Variants in SLC2A13 observed in about 807,000 individuals in gnomAD.
SLC2A13 encodes solute carrier family 2 member 13.
In SLC2A13, 32 loss-of-function variants were observed where a neutral mutation model predicts 64.4. The observed-to-expected ratio is 0.50, with a 90% confidence interval of 0.37 to 0.67. The LOEUF is 0.67. Among genes scored for constraint, SLC2A13 ranks in the 30% least tolerant of loss-of-function variants. The pLI is 0.00. For missense variants in SLC2A13, 743 were observed against 829.2 expected (o/e 0.90, Z 1.28); for synonymous variants, 338 against 327.1 (o/e 1.03, Z -0.36).
intron 2 of SLC2A13, among the ~76,000 whole-genome samples, chr12:40,039,473 T>C (rs2404347): frequency 0.14 from 21,124 of 152,226 alleles, 1,708 homozygotes; most frequent in African/African-American, 0.2. Flanking sequence ...ATTCCTGTGT[T>C]CTTAATTTAT....
At chr12:40,014,463 G>A (rs551928039) in intron 3 of SLC2A13, among the ~76,000 whole-genome samples, 1 of 151,988 alleles carries the variant, frequency 6.6e-6, no homozygotes, top group Non-Finnish European at 1.5e-5. Flanking sequence ...TTAAGTGTTG[G>A]ACTAGTCCAG....
chr12:40,008,789 A>G (rs1292212950), intron 3 of SLC2A13, among the ~76,000 whole-genome samples: 1 of 152,186 alleles, frequency 6.6e-6, no homozygotes, highest in Non-Finnish European at 1.5e-5. Context: ...CTATAACACC[A>G]TGAGATAAAT....
At chr12:40,062,821 A>G (rs868536731) in intron 1 of SLC2A13, among the ~76,000 whole-genome samples, 1 of 152,128 alleles carries the variant, frequency 6.6e-6, no homozygotes, top group South Asian at 2.1e-4. Context: ...CTTTTGAAAG[A>G]CTGATTTACT....
At chr12:39,973,045 C>T (rs769798113) in intron 3 of SLC2A13, among the ~76,000 whole-genome samples, 4 of 152,172 alleles carry the variant, frequency 2.6e-5, no homozygotes, top group African/African-American at 4.8e-5. Flanking sequence ...CCAGCCCGGG[C>T]AACAAGAGCA....
chr12:39,898,326 A>G (rs1944982822), intron 4 of SLC2A13, among the ~76,000 whole-genome samples: 1 of 152,152 alleles, frequency 6.6e-6, no homozygotes, highest in South Asian at 2.1e-4. Flanking sequence ...CCAAAACATT[A>G]GGGTGAAGCA....
intron 4 of SLC2A13, among the ~76,000 whole-genome samples, chr12:39,896,255 T>TATAC (rs1944850034): frequency 1.0e-5 from 1 of 99,052 alleles, no homozygotes; most frequent in Non-Finnish European, 2.3e-5. Flanking sequence ...TATACATGTA[T>TATAC]GTATATGTGT....
intron 1 of SLC2A13, among the ~76,000 whole-genome samples, chr12:40,091,086 TTA>T (rs1330651645): frequency 1.3e-5 from 2 of 152,196 alleles, no homozygotes; most frequent in Admixed American, 1.3e-4. Flanking sequence ...GTACAGCATG[TTA>T]TTGTACTAAA....
intron 3 of SLC2A13, among the ~76,000 whole-genome samples, chr12:40,005,909 A>G (rs759422883): frequency 3.9e-5 from 6 of 152,208 alleles, no homozygotes; most frequent in Non-Finnish European, 5.9e-5. Flanking sequence ...AGAAGCTTCC[A>G]ACGTAAGGCC....
At chr12:39,768,293 C>T (rs1940434696) in intron 7 of SLC2A13, among the ~76,000 whole-genome samples, 2 of 152,048 alleles carry the variant, frequency 1.3e-5, no homozygotes, top group Admixed American at 6.6e-5. Context: ...CTATCCAGAC[C>T]ACTCAAACTT....
chr12:39,828,504 A>C (rs1233423741), intron 7 of SLC2A13, among the ~76,000 whole-genome samples: 1 of 152,134 alleles, frequency 6.6e-6, no homozygotes, highest in African/African-American at 2.4e-5. Flanking sequence ...TGTTATTTGC[A>C]AAAAAGCCAA....
chr12:39,875,892 C>T (rs1221866696), intron 4 of SLC2A13, among the ~76,000 whole-genome samples: 1 of 152,128 alleles, frequency 6.6e-6, no homozygotes, highest in Non-Finnish European at 1.5e-5. Context: ...AACCTTTATG[C>T]AGTAGTTTGC....
In SLC2A13 at chr12:39,814,520, A is replaced by G. The variant is rs1191283382; in HGVS notation, c.1445+15583T>C. ...TTATAATTGTATACAATTTAACAAA[A>G]ATTAATAGATAAAAGTTCTTACAAA... On this transcript the variant is annotated intron_variant, in intron 7 of 9. Transcript: ENST00000280871. 2.0e-5 allele frequency among the ~76,000 whole-genome samples: 3 copies of G among 152,200 alleles called. No individual in the cohort carries two copies. In the East Asian group the frequency reaches 5.8e-4, roughly 29 times the overall value.
intron 1 of SLC2A13, among the ~76,000 whole-genome samples, chr12:40,070,688 T>A (rs1937920547): frequency 6.6e-6 from 1 of 152,192 alleles, no homozygotes; most frequent in African/African-American, 2.4e-5. Context: ...CCATTTTACA[T>A]CTTCCCTTAA....
intron 1 of SLC2A13, among the ~76,000 whole-genome samples, chr12:40,080,054 G>A (rs1412441873): frequency 6.6e-6 from 1 of 152,102 alleles, no homozygotes; most frequent in Non-Finnish European, 1.5e-5. Flanking sequence ...TAGAGACAGG[G>A]TTTCACCATG....
intron 1 of SLC2A13, among the ~76,000 whole-genome samples, chr12:40,076,296 C>G (rs1938172388): frequency 6.6e-6 from 1 of 152,032 alleles, no homozygotes; most frequent in African/African-American, 2.4e-5. Context: ...TTTTTTGATC[C>G]TCACCCTCCT....
intron 4 of SLC2A13, among the ~76,000 whole-genome samples, chr12:39,912,749 A>G (rs1435735695): frequency 6.6e-6 from 1 of 152,086 alleles, no homozygotes; most frequent in Non-Finnish European, 1.5e-5. Flanking sequence ...GGCCATTGCC[A>G]GGAACTGCTG....
intron 4 of SLC2A13, among the ~76,000 whole-genome samples, chr12:39,948,696 ACATT>A (rs1163826463): frequency 6.6e-6 from 1 of 152,168 alleles, no homozygotes; most frequent in Non-Finnish European, 1.5e-5. Context: ...CAACTTCTAC[ACATT>A]ATTAGGGTTG....
In SLC2A13 at chr12:39,917,063, G is replaced by A. The variant is rs1003505858; in HGVS notation, c.1034+34194C>T. Among the ~76,000 whole-genome samples the A allele has an allele frequency of 2.0e-5, 3 of 152,026 alleles. No individual in the cohort carries two copies. The South Asian group carries it at 6.2e-4, about 32-fold the overall frequency. On this transcript the variant is annotated intron_variant, in intron 4 of 9. Coordinates refer to ENST00000280871, the MANE Select transcript of SLC2A13 (RefSeq NM_052885.4). ...CCTGCTATATATCATTCACTATGCT[G>A]GCAGCAAAACCAAACACGGTCCCTT...
At chr12:40,081,743 T>C (rs528626820) in intron 1 of SLC2A13, among the ~76,000 whole-genome samples, 17 of 152,368 alleles carry the variant, frequency 1.1e-4, no homozygotes, top group African/African-American at 3.8e-4. Context: ...GGAGGTAAGA[T>C]GACACTCTCT....
Sources: gnomAD v4.1 joint callset for allele counts (sites outside exome capture counted in the v4.1 genomes callset) on GRCh38, gnomAD v4.1.1 for gene constraint, MANE v1.5 for transcripts, NCBI Gene and HGNC (gene_info 2026-07-23, HGNC 2026-07-21) for gene names.